RERE: variants seen among roughly 807,000 people sequenced by gnomAD.
RERE encodes the protein arginine-glutamic acid dipeptide repeats, also known as arginine-glutamic acid dipeptide repeats protein.
RERE carries 40 observed loss-of-function variants against 146.1 expected under a neutral mutation model. The observed-to-expected ratio is 0.27, with a 90% CI of 0.21 to 0.36. RERE has a LOEUF of 0.36. Ranked by LOEUF, RERE falls within the 10% of genes least tolerant of loss-of-function variation. The pLI, the probability that RERE is intolerant of heterozygous loss-of-function variation, is 1.00. For synonymous variants in RERE, 1,003 were observed against 866.0 expected (o/e 1.16, Z -2.78); for missense variants, 1,933 against 2,138.7 (o/e 0.90, Z 1.90).
At chr1:8,550,677 C>G (rs567731605) in intron 6 of RERE, among the ~76,000 whole-genome samples, 1 of 152,176 alleles carries the variant, frequency 6.6e-6, no homozygotes, top group African/African-American at 2.4e-5. Context: ...CTCCCTAGTA[C>G]CTGGGACTAC....
intron 4 of RERE, among the ~76,000 whole-genome samples, chr1:8,602,283 C>T (rs968092138): frequency 2.6e-4 from 40 of 151,386 alleles, no homozygotes; most frequent in African/African-American, 9.7e-4. Context: ...CCCAGCTACT[C>T]GGGAGGCTGA....
intron 1 of RERE, among the ~76,000 whole-genome samples, chr1:8,782,422 C>G (rs1042132183): frequency 2.0e-5 from 3 of 152,090 alleles, no homozygotes; most frequent in Non-Finnish European, 4.4e-5. Context: ...TTTTTCTCTT[C>G]TCTTCCCTAT....
intron 1 of RERE, among the ~76,000 whole-genome samples, chr1:8,749,008 G>T (rs1640478030): frequency 6.6e-6 from 1 of 152,204 alleles, no homozygotes; most frequent in Non-Finnish European, 1.5e-5. Context: ...TCGGTAAGCT[G>T]TGTGTCAGGT....
rs1641869170 is a variant in RERE at position 8,814,309 on chromosome 1, G to A, written c.-145+2851C>T. Among the ~76,000 whole-genome samples the A allele has an allele frequency of 2.6e-5, 4 of 152,306 alleles. No homozygotes were observed. In the South Asian group the frequency reaches 6.2e-4, roughly 24 times the overall value. ...TTCATTACATTAGAACAACTGAGAT[G>A]GGCCAGGATTTGTGAAAATAAAAAT... On this transcript the variant is annotated intron_variant, in intron 1 of 22. Transcript: ENST00000400908.
intron 12 of RERE, among the ~76,000 whole-genome samples, chr1:8,384,340 C>T (rs1222929392): frequency 6.6e-6 from 1 of 152,120 alleles, no homozygotes; most frequent in Non-Finnish European, 1.5e-5. Flanking sequence ...TAATCTGTCC[C>T]CTCTGTAGGG....
intron 11 of RERE, among the ~76,000 whole-genome samples, chr1:8,464,660 G>A (rs1644573460): frequency 6.6e-6 from 1 of 152,142 alleles, no homozygotes; most frequent in Admixed American, 6.5e-5. Context: ...TGCCAAGCAT[G>A]CTTTCACCTT....
chr1:8,789,297 A>AT (rs1468727127), intron 1 of RERE, among the ~76,000 whole-genome samples: 2,099 of 63,196 alleles, frequency 0.033, 24 homozygotes, highest in Admixed American at 0.057. Context: ...AAAAAAAAAA[A>AT]AAAAATATAT....
intron 12 of RERE, among the ~76,000 whole-genome samples, chr1:8,394,360 T>A (rs1244388816): frequency 2.6e-5 from 4 of 152,214 alleles, no homozygotes; most frequent in African/African-American, 9.7e-5. Flanking sequence ...GCTTTTCAGA[T>A]TCTCAAAATA....
chr1:8,508,571 C>G (rs1645287960), intron 8 of RERE, 56 bp downstream of exon 8: 4 of 1,279,332 alleles, frequency 3.1e-6, no homozygotes, highest in Non-Finnish European at 4.5e-6. Flanking sequence ...AATAAAGTGC[C>G]AGCAGAGTAA....
At chr1:8,383,718 G>T (rs1260388225) in intron 12 of RERE, among the ~76,000 whole-genome samples, 1 of 152,114 alleles carries the variant, frequency 6.6e-6, no homozygotes, top group East Asian at 1.9e-4. Context: ...AATTAGCCGG[G>T]TGTGGTGGCA....
At chr1:8,442,272 C>A (rs1284897793) in intron 11 of RERE, among the ~76,000 whole-genome samples, 1 of 151,788 alleles carries the variant, frequency 6.6e-6, no homozygotes, top group African/African-American at 2.4e-5. Flanking sequence ...GTAATCCCAG[C>A]TACTCAGGAG....
rs1643962677 is a variant in RERE, at chr1:8,423,917, C to G, written c.1204-1110G>C. ...CCCGCCCCCGGCCCGACCCCCACCC[C>G]GAGGCCGGAGCCTCCAGGGCACCCG... is the stretch of plus-strand genomic sequence containing the variant. On this transcript the variant is annotated intron_variant, in intron 11 of 22. Transcript: ENST00000400908. The surrounding 1 kb of genome is among the most constrained non-coding windows in gnomAD (Gnocchi z 5.4). 2 of 151,904 alleles carry G rather than the reference C, an allele frequency of 1.3e-5. No homozygotes were observed. Among genetic ancestry groups the G allele is most frequent in the Non-Finnish European group, 2.9e-5 (2 of 68,304 alleles). The allele number at this position is 151,904 out of a possible 1,614,324, so 9.4% of individuals were successfully genotyped here.
chr1:8,677,437 A>AG (rs1557475336), intron 1 of RERE, among the ~76,000 whole-genome samples: 1 of 151,076 alleles, frequency 6.6e-6, no homozygotes, highest in African/African-American at 2.4e-5. Context: ...AAAAAAAAAA[A>AG]AAAGAAAGAA....
chr1:8,571,248 T>C (rs948446570), intron 4 of RERE, among the ~76,000 whole-genome samples: 2 of 152,232 alleles, frequency 1.3e-5, no homozygotes, highest in South Asian at 2.1e-4. Context: ...TAGCTTACAA[T>C]GTTAACTGAA....
chr1:8,435,062 T>C (rs542104703), intron 11 of RERE, among the ~76,000 whole-genome samples: 32 of 152,386 alleles, frequency 2.1e-4, no homozygotes, highest in Non-Finnish European at 2.6e-4. Flanking sequence ...TACATAGCGA[T>C]AGGCAACTAA....
chr1:8,507,040 A>T (rs143164405), intron 8 of RERE, among the ~76,000 whole-genome samples: 1 of 152,208 alleles, frequency 6.6e-6, no homozygotes, highest in East Asian at 1.9e-4. Flanking sequence ...CTGCCTGACC[A>T]GGATGTCATG....
At chr1:8,362,986 GCC>G in intron 15 of RERE, 142 bp from the exon 16 acceptor site, 1 of 867,020 alleles carries the variant, frequency 1.2e-6, no homozygotes. Context: ...ACAACAGGCC[GCC>G]CTGCCTGTCC....
chr1:8,751,902 C>T (rs912015562), intron 1 of RERE, among the ~76,000 whole-genome samples: 1 of 149,894 alleles, frequency 6.7e-6, no homozygotes, highest in East Asian at 1.9e-4. Flanking sequence ...GAATTTTCAG[C>T]ACTTGACTGT....
chr1:8,716,849 T>G (rs746858823), intron 1 of RERE, among the ~76,000 whole-genome samples: 47 of 151,984 alleles, frequency 3.1e-4, no homozygotes, highest in Non-Finnish European at 6.3e-4. Context: ...AAAGAAGCAA[T>G]CAATCTTTTT....
Sources: allele counts gnomAD v4.1 joint callset (sites outside exome capture counted in the v4.1 genomes callset), GRCh38; gene constraint gnomAD v4.1.1; non-coding constraint Gnocchi (gnomAD v3.1); transcripts MANE v1.5; gene names NCBI Gene and HGNC (gene_info 2026-07-23, HGNC 2026-07-21).